Variants in FMNL3 observed in about 807,000 individuals in gnomAD.
FMNL3 encodes the protein formin-like protein 3.
In FMNL3, 57 loss-of-function variants were observed where a neutral mutation model predicts 119.6. The observed-to-expected ratio is 0.48, with a 90% CI of 0.39 to 0.59. The LOEUF (loss-of-function observed/expected upper bound fraction) is 0.59. Among genes scored for constraint, FMNL3 ranks in the 20% least tolerant of loss-of-function variants. FMNL3 has a pLI of 0.00. For synonymous variants in FMNL3, 491 were observed against 507.3 expected (o/e 0.97, Z 0.43); for missense variants, 1,053 against 1,323.5 (o/e 0.80, Z 3.17).
At chr12:49,675,305 G>A (rs906542273) in intron 1 of FMNL3, among the ~76,000 whole-genome samples, 2 of 152,144 alleles carry the variant, frequency 1.3e-5, no homozygotes, top group Non-Finnish European at 2.9e-5. Flanking sequence ...TTGGCTCCTC[G>A]GCCCCTCCTC....
chr12:49,654,183 C>A lies in FMNL3; in HGVS notation c.1071+9G>T, dbSNP rs890069205. The A allele has an allele frequency of 6.2e-7, 1 of 1,612,682 alleles. No homozygotes were observed. Among genetic ancestry groups the A allele is most frequent in the Non-Finnish European group, 8.5e-7 (1 of 1,178,830 alleles). ...GCACCTCACCTTACAAGGACCCCAG[C>A]CAGCTCACCTGCAGGAACTCCTCTA... On this transcript the variant is annotated intron_variant, in intron 11 of 25. Transcript: ENST00000335154.
chr12:49,701,784 C>T (rs910868390), intron 1 of FMNL3, among the ~76,000 whole-genome samples: 2 of 151,978 alleles, frequency 1.3e-5, no homozygotes, highest in Admixed American at 6.6e-5. Context: ...ATTAGCCAGG[C>T]GTGGTGGCAG....
intron 1 of FMNL3, among the ~76,000 whole-genome samples, chr12:49,701,623 G>C (rs1944911935): frequency 6.6e-6 from 1 of 152,104 alleles, no homozygotes; most frequent in African/African-American, 2.4e-5. Flanking sequence ...CATCGTACAA[G>C]CATTTAAATG....
chr12:49,636,589 C>T lies in FMNL3; in HGVS notation c.*9226G>A, dbSNP rs1941836288. The T allele has an allele frequency of 1.4e-5, 18 of 1,317,838 alleles. No individual in the cohort carries two copies. Among genetic ancestry groups the T allele is most frequent in the Non-Finnish European group, 1.7e-5 (16 of 944,652 alleles). 81.6% of individuals were successfully genotyped at this position (1,317,838 alleles called of 1,614,324 possible). A position where few individuals can be genotyped will look rare whatever the true frequency, so the allele number is the denominator to read the frequency against. ...CTGCTCCCACAGAGCCCCCTCCAGG[C>T]CCTTCCCCCACCACCCTGGGTATCC... On this transcript the variant is annotated 3_prime_UTR_variant, in exon 26 of 26. Transcript: ENST00000335154.
At position 49,647,736 on chromosome 12, in the gene FMNL3, G is replaced by C. The variant is rs754245090; in HGVS notation, c.2745C>G (p.Phe915Leu). The change falls in exon 23 of 26, where the codon TTC becomes TTG. Residue 915 changes from phenylalanine to leucine, a missense_variant. By Grantham distance (22) the Phe-to-Leu change is conservative. Transcript: ENST00000335154. The surrounding 1 kb of genome is among the most constrained non-coding windows in gnomAD (Gnocchi z 4.9). ...AACGAATGAATCGGACAAATACTGG[G>C]AAGAATACAGAAGGAGGTGTAGTCT... ...SPKTTPPSVF[F>L]PVFVRFIRSY... The C allele has an allele frequency of 1.9e-6, 3 of 1,614,174 alleles. No individual in the cohort carries two copies. The highest frequency in any genetic ancestry group is 2.5e-6 in the Non-Finnish European group (3 of 1,179,992).
At chr12:49,665,018 A>G (rs1271485595) in intron 4 of FMNL3, among the ~76,000 whole-genome samples, 1 of 151,028 alleles carries the variant, frequency 6.6e-6, no homozygotes, top group African/African-American at 2.4e-5. Context: ...CTGCAGTTCT[A>G]CATCACGTGT....
At chr12:49,663,206 T>C (rs1339500365) in intron 4 of FMNL3, among the ~76,000 whole-genome samples, 1 of 152,178 alleles carries the variant, frequency 6.6e-6, no homozygotes, top group African/African-American at 2.4e-5. Context: ...CACCCCCTTC[T>C]CATTTCCTGT....
Position 49,643,075 on chromosome 12 carries a change from A to C in FMNL3, c.*2740T>G. On this transcript the variant is annotated 3_prime_UTR_variant, in exon 26 of 26. Coordinates refer to ENST00000335154, the MANE Select transcript of FMNL3 (RefSeq NM_175736.5). ...GCTGGGTTGTTTTGGGGAAATAAAC[A>C]CTTTGTTTTCCCCTTACAATATCTC... is the stretch of plus-strand genomic sequence containing the variant. The C allele has an allele frequency of 6.3e-7, 1 of 1,594,616 alleles. No individual in the cohort carries two copies. The highest frequency in any genetic ancestry group is 1.1e-5 in the South Asian group (1 of 90,246).
chr12:49,691,005 T>A (rs1437044209), intron 1 of FMNL3, among the ~76,000 whole-genome samples: 2 of 152,208 alleles, frequency 1.3e-5, no homozygotes, highest in Admixed American at 1.3e-4. Flanking sequence ...ATTGCGCCAC[T>A]GCACTCCAGC....
chr12:49,688,779 G>T (rs1944530926), intron 1 of FMNL3, among the ~76,000 whole-genome samples: 1 of 152,156 alleles, frequency 6.6e-6, no homozygotes, highest in Non-Finnish European at 1.5e-5. Context: ...ATAATTAGCT[G>T]GAAGAGTGCC....
At chr12:49,665,997 C>T in intron 3 of FMNL3, 89 bp from the exon 4 acceptor site, 2 of 1,553,070 alleles carry the variant, frequency 1.3e-6, no homozygotes, top group Admixed American at 1.7e-5. Flanking sequence ...GGCCCTTGGC[C>T]ACAGAACCCT....
At chr12:49,674,315 A>T (rs1296439783) in intron 1 of FMNL3, among the ~76,000 whole-genome samples, 3 of 152,214 alleles carry the variant, frequency 2.0e-5, no homozygotes, top group Non-Finnish European at 4.4e-5. Context: ...CCAGAAGGAC[A>T]GGCAACCCCC....
At chr12:49,693,109 T>C (rs1226222458) in intron 1 of FMNL3, among the ~76,000 whole-genome samples, 1 of 152,204 alleles carries the variant, frequency 6.6e-6, no homozygotes, top group Non-Finnish European at 1.5e-5. Flanking sequence ...ATTTTTCCTT[T>C]TAGTATAATA....
Position 49,654,318 on chromosome 12 carries a change from C to G in FMNL3, c.961-16G>C. Reference sequence around the variant, plus strand: ...TGCAGGCCACCTGAAGAAGAGGAGGCCCAGAGAAGCAGCAACAGGAAGGGC... The same window carrying G: ...TGCAGGCCACCTGAAGAAGAGGAGGGCCAGAGAAGCAGCAACAGGAAGGGC... On this transcript the variant is annotated splice_polypyrimidine_tract_variant and intron_variant, in intron 10 of 25. Transcript: ENST00000335154. The G allele has an allele frequency of 6.2e-7, 1 of 1,607,746 alleles. No homozygotes were observed. The highest frequency in any genetic ancestry group is 8.5e-7 in the Non-Finnish European group (1 of 1,174,840).
chr12:49,681,031 T>C (rs1944320709), intron 1 of FMNL3, among the ~76,000 whole-genome samples: 1 of 152,252 alleles, frequency 6.6e-6, no homozygotes. Context: ...ACACAATGCT[T>C]CCCTATTCTG....
In FMNL3 at chr12:49,658,528, C is replaced by T. The variant is rs1205242014; in HGVS notation, c.519G>A (p.Arg173=). 1.9e-6 allele frequency: 3 copies of T among 1,613,674 alleles called. No individual in the cohort carries two copies. The highest frequency in any genetic ancestry group is 4.5e-5 in the East Asian group (2 of 44,858). Residue 173 remains arginine (R), a synonymous_variant, in exon 6 of 26, where the codon AGG becomes AGA. Coordinates refer to ENST00000335154, the MANE Select transcript of FMNL3 (RefSeq NM_175736.5). ...GAFDKLRSWS[R]SIEDLQPPSA... ...TGGGTGGCTGCAGGTCCTCGATTGA[C>T]CTGCTCCAGGACCGGAGTTTGTCAA...
intron 1 of FMNL3, among the ~76,000 whole-genome samples, chr12:49,681,101 C>G (rs78214376): frequency 1.9e-3 from 284 of 152,366 alleles, no homozygotes; most frequent in African/African-American, 6.6e-3. Context: ...ATCTGAAGTT[C>G]AAGGCTTCAC....
rs574953679 is a variant in FMNL3 at position 49,690,202 on chromosome 12, C to A, written c.126+16853G>T. ...CAAAATATAGTTTTAAGTACATACA[C>A]ATTTTGTCTCTCCAACTCAGATAGC... On this transcript the variant is annotated intron_variant, in intron 1 of 25. Transcript: ENST00000335154. 3.3e-5 allele frequency among the ~76,000 whole-genome samples: 5 copies of A among 152,328 alleles called. No homozygotes were observed. The East Asian group carries it at 9.6e-4, about 29-fold the overall frequency.
At chr12:49,666,567 G>A (rs1255007821) in intron 2 of FMNL3, among the ~76,000 whole-genome samples, 1 of 152,146 alleles carries the variant, frequency 6.6e-6, no homozygotes, top group East Asian at 1.9e-4. Context: ...CGAGGCAGGG[G>A]GACTGCTTGA....
Sources: gnomAD v4.1 joint callset for allele counts (sites outside exome capture counted in the v4.1 genomes callset) on GRCh38, gnomAD v4.1.1 for gene constraint, Gnocchi (gnomAD v3.1) non-coding constraint, MANE v1.5 for transcripts, NCBI Gene and HGNC (gene_info 2026-07-23, HGNC 2026-07-21) for gene names.